IFNGR2: variants seen among roughly 807,000 people sequenced by gnomAD.
IFNGR2 encodes the protein IFN-gamma receptor 2.
In IFNGR2, 15 loss-of-function variants were observed where a neutral mutation model predicts 41.1. The ratio of observed to expected loss-of-function variants is 0.37; its 90% confidence interval spans 0.24 to 0.56. The LOEUF (loss-of-function observed/expected upper bound fraction) is 0.56. IFNGR2 is among the 20% of genes least tolerant of loss of function. The probability of loss-of-function intolerance (pLI) is 0.81; values close to 1 mark genes in which losing one functional copy is unlikely to be tolerated. For synonymous variants in IFNGR2, 161 were observed against 171.6 expected, an observed-to-expected ratio of 0.94 and a Z score of 0.48; for missense variants, 362 against 415.7, an observed-to-expected ratio of 0.87 and a Z score of 1.12.
intron 1 of IFNGR2, among the ~76,000 whole-genome samples, chr21:33,413,148 G>A (rs1040330373): frequency 3.3e-5 from 5 of 152,166 alleles, no homozygotes; most frequent in African/African-American, 1.2e-4. Flanking sequence ...GTGACTGTGA[G>A]GGAGCATTGA....
intron 1 of IFNGR2, 144 bp from the exon 2 acceptor site, chr21:33,414,744 G>C (rs1457917676): frequency 1.0e-5 from 10 of 987,224 alleles, no homozygotes; most frequent in Non-Finnish European, 1.5e-5. Flanking sequence ...GCCATGCCCA[G>C]GGGGACCTGG....
intron 4 of IFNGR2, 128 bp downstream of exon 4, chr21:33,427,160 A>C (rs1345139330): frequency 1.2e-6 from 1 of 828,312 alleles, no homozygotes; most frequent in Non-Finnish European, 2.0e-6. Flanking sequence ...ATAGAGGCTG[A>C]GCCCTGAGCC....
chr21:33,427,400 G>A (rs923623107), intron 4 of IFNGR2, among the ~76,000 whole-genome samples: 2 of 152,182 alleles, frequency 1.3e-5, no homozygotes, highest in South Asian at 4.1e-4. Flanking sequence ...CAGCCTGCAA[G>A]GCTTAACTGT....
chr21:33,432,139 G>T (rs751894717), intron 4 of IFNGR2, 38 bp from the exon 5 acceptor site: 10 of 1,597,524 alleles, frequency 6.3e-6, no homozygotes, highest in Non-Finnish European at 2.6e-6. Flanking sequence ...GCTTGGCCAT[G>T]TTCATTTACA....
chr21:33,425,477 C>T (rs578041895), intron 3 of IFNGR2, among the ~76,000 whole-genome samples: 1 of 152,322 alleles, frequency 6.6e-6, no homozygotes, highest in South Asian at 2.1e-4. Flanking sequence ...GGCTGGTGTC[C>T]ACACTCCCAT....
At chr21:33,411,054 G>A (rs2083712133) in intron 1 of IFNGR2, among the ~76,000 whole-genome samples, 1 of 152,246 alleles carries the variant, frequency 6.6e-6, no homozygotes, top group Non-Finnish European at 1.5e-5. Context: ...CCTACAAAAA[G>A]GACAGTCTTA....
chr21:33,411,409 G>A (rs918086404), intron 1 of IFNGR2: 1 of 470,470 alleles, frequency 2.1e-6, no homozygotes, highest in South Asian at 1.5e-5. Context: ...AAGGGAAGTC[G>A]GGAAGAAGAG....
intron 1 of IFNGR2, among the ~76,000 whole-genome samples, chr21:33,405,649 C>T (rs543919926): frequency 6.6e-6 from 1 of 152,276 alleles, no homozygotes; most frequent in African/African-American, 2.4e-5. Flanking sequence ...CCACAACATC[C>T]AGCTACCTGT....
chr21:33,436,741 AT>A (rs905508725), intron 6 of IFNGR2, 86 bp from the exon 7 acceptor site: 590 of 1,102,408 alleles, frequency 5.4e-4, no homozygotes, highest in East Asian at 8.0e-4. Context: ...AAAAATAAAA[AT>A]AAAATAAAAA....
In IFNGR2 at chr21:33,433,016, G is replaced by A. The variant is rs1323827125; in HGVS notation, c.879+145G>A. 8 of 724,412 alleles carry A rather than the reference G, an allele frequency of 1.1e-5. No individual in the cohort carries two copies. In the Admixed American group the frequency reaches 1.6e-4, roughly 15 times the overall value. 44.9% of individuals were successfully genotyped at this position (724,412 alleles called of 1,614,324 possible). On this transcript the variant is annotated intron_variant, in intron 6 of 6. Coordinates refer to ENST00000290219, the MANE Select transcript of IFNGR2 (RefSeq NM_005534.4). Reference sequence around the variant, plus strand: ...TTCTCCTGCCTCAGCCTCCTGAGTAGCTGGTATTACAAGTGCTCACCACCA... The same window carrying A: ...TTCTCCTGCCTCAGCCTCCTGAGTAACTGGTATTACAAGTGCTCACCACCA...
chr21:33,410,371 T>C (rs931281239), intron 1 of IFNGR2, among the ~76,000 whole-genome samples: 1 of 152,104 alleles, frequency 6.6e-6, no homozygotes, highest in African/African-American at 2.4e-5. Flanking sequence ...TTCACCATCT[T>C]GGCCAGGCTG....
At chr21:33,422,572 A>T (rs2083801841) in intron 3 of IFNGR2, among the ~76,000 whole-genome samples, 1 of 152,264 alleles carries the variant, frequency 6.6e-6, no homozygotes, top group East Asian at 1.9e-4. Flanking sequence ...ACAATAAAAA[A>T]TTGGGGGAAT....
In IFNGR2 at chr21:33,436,973, G is replaced by A. The variant is rs2083961174; in HGVS notation, c.*11G>A. On this transcript the variant is annotated 3_prime_UTR_variant, in exon 7 of 7. Transcript: ENST00000290219. ...CTCCAAACGCTTTGAACCAAAGCAT[G>A]GGCCTAGCCCACTGGCTCCCTGGAA... 6.2e-7 allele frequency: 1 copy of A among 1,613,590 alleles called. No homozygotes were observed. Among genetic ancestry groups the A allele is most frequent in the Admixed American group, 1.7e-5 (1 of 59,976 alleles).
At chr21:33,404,050 G>A (rs1048263800) in intron 1 of IFNGR2, among the ~76,000 whole-genome samples, 5 of 152,272 alleles carry the variant, frequency 3.3e-5, no homozygotes, top group African/African-American at 1.2e-4. Flanking sequence ...GGGAAAGCCA[G>A]CGTGGCCCCA....
chr21:33,411,137 G>A (rs894180293), intron 1 of IFNGR2, among the ~76,000 whole-genome samples: 4 of 152,218 alleles, frequency 2.6e-5, no homozygotes, highest in Non-Finnish European at 5.9e-5. Context: ...CTATAAATGT[G>A]AAAAGATAGG....
At chr21:33,425,697 GA>G (rs936152656) in intron 3 of IFNGR2, among the ~76,000 whole-genome samples, 1 of 152,224 alleles carries the variant, frequency 6.6e-6, no homozygotes, top group Non-Finnish European at 1.5e-5. Flanking sequence ...GGCCAGGCCT[GA>G]CCTCACTTCT....
Position 33,421,581 on chromosome 21 carries a change from C to T in IFNGR2, c.308C>T (p.Ala103Val), listed in dbSNP as rs139212989. The T allele has an allele frequency of 4.3e-4, 702 of 1,613,908 alleles. No individual in the cohort carries two copies. Among genetic ancestry groups the T allele is most frequent in the Non-Finnish European group, 5.5e-4 (648 of 1,179,898 alleles). Residue 103 changes from alanine (A) to valine (V), a missense_variant, in exon 3 of 7, where the codon GCA becomes GTA. By Grantham distance (64) the Ala-to-Val change is moderately conservative. Coordinates refer to ENST00000290219, the MANE Select transcript of IFNGR2 (RefSeq NM_005534.4). ...ECDFTAASPS[A>V]GFPMDFNVTL... Reference sequence around the variant, plus strand: ...GACTTCACTGCCGCCAGTCCCTCAGCAGGCTTCCCAATGGATTTCAATGTC... The same window carrying T: ...GACTTCACTGCCGCCAGTCCCTCAGTAGGCTTCCCAATGGATTTCAATGTC...
intron 6 of IFNGR2, among the ~76,000 whole-genome samples, chr21:33,434,275 A>T (rs1473638277): frequency 6.6e-6 from 1 of 152,168 alleles, no homozygotes; most frequent in East Asian, 1.9e-4. Context: ...TAATCCCAGG[A>T]CTTGGGGAGG....
intron 4 of IFNGR2, among the ~76,000 whole-genome samples, chr21:33,427,957 C>T (rs1416941035): frequency 1.3e-5 from 2 of 149,508 alleles, no homozygotes; most frequent in African/African-American, 4.9e-5. Context: ...TCTCAGACTC[C>T]TGACCTCAGG....
Sources: gnomAD v4.1 joint callset for allele counts (sites outside exome capture counted in the v4.1 genomes callset) on GRCh38, gnomAD v4.1.1 for gene constraint, MANE v1.5 for transcripts, NCBI Gene and HGNC (gene_info 2026-07-23, HGNC 2026-07-21) for gene names.